Variants in MEI1 observed in about 807,000 individuals in gnomAD.
MEI1 encodes meiosis inhibitor protein 1.
MEI1 carries 103 observed loss-of-function variants against 146.2 expected under a neutral mutation model. The ratio of observed to expected loss-of-function variants is 0.70; its 90% CI spans 0.60 to 0.83. MEI1 has a LOEUF of 0.83. Among genes scored for constraint, MEI1 ranks in the 40% least tolerant of loss-of-function variants. The probability of loss-of-function intolerance (pLI) is 0.00; values close to 1 mark genes in which losing one functional copy is unlikely to be tolerated. For missense variants in MEI1, 1,529 were observed against 1,533.0 expected, an observed-to-expected ratio of 1.00 and a Z score of 0.04; for synonymous variants, 652 against 628.2, an observed-to-expected ratio of 1.04 and a Z score of -0.57.
At chr22:41,741,596 A>G (rs1338412095) in intron 11 of MEI1, among the ~76,000 whole-genome samples, 1 of 152,252 alleles carries the variant, frequency 6.6e-6, no homozygotes. Context: ...GTACTTTTCC[A>G]GTCTCTGCGT....
chr22:41,753,665 G>A (rs553471564), intron 16 of MEI1: 1 of 234,100 alleles, frequency 4.3e-6, no homozygotes, highest in African/African-American at 2.3e-5. Context: ...TTTTAGTAGA[G>A]ACAGGGTTTC....
chr22:41,713,105 G>A (rs905312334), intron 3 of MEI1, among the ~76,000 whole-genome samples: 3 of 152,022 alleles, frequency 2.0e-5, no homozygotes, highest in Non-Finnish European at 2.9e-5. Flanking sequence ...CACCGCGCCC[G>A]GCTGGGCATT....
intron 2 of MEI1, among the ~76,000 whole-genome samples, chr22:41,705,003 C>T (rs553447052): frequency 3.3e-5 from 5 of 152,146 alleles, no homozygotes; most frequent in South Asian, 4.2e-4. Context: ...CGTGAGCCAC[C>T]GCGCCCGGCC....
chr22:41,742,102 G>T lies in MEI1; in HGVS notation c.1332-978G>T, dbSNP rs5758446. Among the ~76,000 whole-genome samples, 1,478 of 151,752 alleles carry T rather than the reference G, an allele frequency of 9.7e-3. 30 individuals are homozygous for T. The highest frequency in any genetic ancestry group is 0.034 in the African/African-American group (1,416 of 41,450). On this transcript the variant is annotated intron_variant, in intron 11 of 30. Transcript: ENST00000401548. ...TGGTGAAATCTCATCTCTACTAAAA[G>T]TACAAAACTTAGCTGGGTGTAGTGG...
At chr22:41,788,839 CTGTTTATTTT>C (rs1164126972) in intron 26 of MEI1, among the ~76,000 whole-genome samples, 1 of 152,130 alleles carries the variant, frequency 6.6e-6, no homozygotes, top group Non-Finnish European at 1.5e-5. Context: ...CCTCTGGCAA[CTGTTTATTTT>C]TATTTTTGAG....
intron 30 of MEI1, among the ~76,000 whole-genome samples, chr22:41,797,737 GAAAA>G (rs1338434353): frequency 6.6e-6 from 1 of 151,542 alleles, no homozygotes; most frequent in Non-Finnish European, 1.5e-5. Flanking sequence ...TACAAAATTC[GAAAA>G]AAAATCTGAA....
At chr22:41,712,204 C>CAAAAAAAAAAAAG (rs2069634410) in intron 3 of MEI1, among the ~76,000 whole-genome samples, 1 of 53,664 alleles carries the variant, frequency 1.9e-5, no homozygotes, top group East Asian at 9.6e-4. Flanking sequence ...AACTCCGGCT[C>CAAAAAAAAAAAAG]AAAAAAAAAA....
intron 8 of MEI1, 101 bp downstream of exon 8, chr22:41,729,880 A>T (rs771829760): frequency 3.0e-6 from 2 of 671,808 alleles, no homozygotes; most frequent in Non-Finnish European, 4.7e-6. Flanking sequence ...GTCTCATAAC[A>T]TCTGAATCCT....
chr22:41,781,896 G>A (rs2075771836), intron 24 of MEI1, 51 bp downstream of exon 24: 2 of 1,597,170 alleles, frequency 1.3e-6, no homozygotes, highest in Non-Finnish European at 1.7e-6. Context: ...ACTCAAAGGA[G>A]TGTTGAAGAT....
intron 20 of MEI1, 106 bp downstream of exon 20, chr22:41,771,067 T>A (rs2075155440): frequency 8.2e-7 from 1 of 1,220,406 alleles, no homozygotes; most frequent in South Asian, 1.4e-5. Context: ...TCAGCCCACC[T>A]CCAGACTTAT....
intron 20 of MEI1, among the ~76,000 whole-genome samples, chr22:41,773,614 G>A (rs6519288): frequency 0.64 from 96,250 of 150,428 alleles, 33,867 homozygotes; most frequent in East Asian, 0.92. Flanking sequence ...GGTGGCTCAC[G>A]CCTGTAATCC....
At position 41,748,102 on chromosome 22, in the gene MEI1, T is replaced by C. The variant is rs370528843; in HGVS notation, c.1681-5T>C. On this transcript the variant is annotated splice_polypyrimidine_tract_variant and splice_region_variant and intron_variant, in intron 14 of 30. Coordinates refer to ENST00000401548, the MANE Select transcript of MEI1 (RefSeq NM_152513.4). Reference sequence around the variant, plus strand: ...GGCTGTGTTCTCTCTCCTGGTTCTTTGCAGAGACACTTGGAGCAGACCACC... The same window carrying C: ...GGCTGTGTTCTCTCTCCTGGTTCTTCGCAGAGACACTTGGAGCAGACCACC... 8.7e-6 allele frequency: 14 copies of C among 1,607,548 alleles called. No homozygotes were observed. The highest frequency in any genetic ancestry group is 1.2e-5 in the Non-Finnish European group (14 of 1,174,264).
At chr22:41,789,262 A>G (rs2076092849) in intron 26 of MEI1, among the ~76,000 whole-genome samples, 1 of 152,290 alleles carries the variant, frequency 6.6e-6, no homozygotes, top group East Asian at 1.9e-4. Flanking sequence ...CAGTGAGCCA[A>G]GATCATGCCA....
chr22:41,747,954 G>T (rs1382703483), intron 14 of MEI1, among the ~76,000 whole-genome samples, 153 bp from the exon 15 acceptor site: 1 of 152,098 alleles, frequency 6.6e-6, no homozygotes, highest in African/African-American at 2.4e-5. Context: ...GGTGATCCAA[G>T]CCTTAGATGT....
chr22:41,755,198 T>A (rs2074014304), intron 17 of MEI1, among the ~76,000 whole-genome samples: 1 of 152,174 alleles, frequency 6.6e-6, no homozygotes, highest in Admixed American at 6.5e-5. Flanking sequence ...TCTCCTGATA[T>A]AATAGAAAAC....
At chr22:41,728,783 T>C (rs1035674004) in intron 7 of MEI1, among the ~76,000 whole-genome samples, 11 of 147,378 alleles carry the variant, frequency 7.5e-5, no homozygotes, top group Admixed American at 1.4e-4. Context: ...ATTGCTTACG[T>C]TGGAGAAGTT....
At chr22:41,756,945 A>G (rs1335527590) in intron 17 of MEI1, among the ~76,000 whole-genome samples, 3 of 152,210 alleles carry the variant, frequency 2.0e-5, no homozygotes, top group Admixed American at 2.0e-4. Context: ...CCAGCTTCTG[A>G]CACCCCACAT....
chr22:41,728,348 GC>G (rs902389145), intron 7 of MEI1, among the ~76,000 whole-genome samples: 6 of 152,284 alleles, frequency 3.9e-5, no homozygotes, highest in Non-Finnish European at 7.4e-5. Flanking sequence ...ATAGCCTCAG[GC>G]CTACTGTGTT....
intron 7 of MEI1, among the ~76,000 whole-genome samples, chr22:41,725,001 T>C (rs2071195696): frequency 6.6e-6 from 1 of 151,862 alleles, no homozygotes; most frequent in African/African-American, 2.4e-5. Flanking sequence ...CAGGGATCTT[T>C]CTATGTTGCT....
Sources: gnomAD v4.1 joint callset for allele counts (sites outside exome capture counted in the v4.1 genomes callset) on GRCh38, gnomAD v4.1.1 for gene constraint, MANE v1.5 for transcripts, NCBI Gene and HGNC (gene_info 2026-07-23, HGNC 2026-07-21) for gene names.